FLRT2: variants seen among roughly 807,000 people sequenced by gnomAD.
FLRT2 encodes the protein leucine-rich repeat transmembrane protein FLRT2.
Under a neutral mutation model 40.0 loss-of-function variants are expected in FLRT2, and 15 were observed. The ratio of observed to expected loss-of-function variants is 0.38; its 90% CI spans 0.25 to 0.58. FLRT2 has a LOEUF of 0.58. FLRT2 is among the 20% of genes least tolerant of loss of function. The probability of loss-of-function intolerance (pLI) is 0.71; values close to 1 mark genes in which losing one functional copy is unlikely to be tolerated. For missense variants in FLRT2, 726 were observed against 840.0 expected (o/e 0.86, Z 1.68); for synonymous variants, 380 against 336.8 (o/e 1.13, Z -1.41).
intron 1 of FLRT2, among the ~76,000 whole-genome samples, chr14:85,614,217 CCT>C (rs1384681425): frequency 6.6e-6 from 1 of 152,146 alleles, no homozygotes; most frequent in African/African-American, 2.4e-5. Context: ...CTGTTCAGGT[CCT>C]CTGTCTCCAG....
intron 1 of FLRT2, among the ~76,000 whole-genome samples, chr14:85,551,060 T>A (rs1889592473): frequency 6.6e-6 from 1 of 152,194 alleles, no homozygotes; most frequent in Admixed American, 6.5e-5. Context: ...AAATTACTAT[T>A]CACATAATTC....
chr14:85,541,360 C>A (rs1022373492), intron 1 of FLRT2, among the ~76,000 whole-genome samples: 1 of 152,082 alleles, frequency 6.6e-6, no homozygotes, highest in Non-Finnish European at 1.5e-5. Flanking sequence ...CCACTTGAGG[C>A]CAGCTAGGCT....
Position 85,625,013 on chromosome 14 carries a change from A to G in FLRT2, c.*1516A>G, listed in dbSNP as rs1893612138. ...ACAACCCATGAAAAACAAGTCAGAG[A>G]GTGAAGGCTTTTTCCCCTAATCCTG... On this transcript the variant is annotated 3_prime_UTR_variant, in exon 2 of 2. Coordinates refer to ENST00000330753, the MANE Select transcript of FLRT2 (RefSeq NM_013231.6). 1 of 167,054 alleles carries G rather than the reference A, an allele frequency of 6.0e-6. No individual in the cohort carries two copies. The highest frequency in any genetic ancestry group is 6.5e-5 in the Admixed American group (1 of 15,282). The allele number at this position is 167,054 out of a possible 1,614,324, so 10.3% of individuals were successfully genotyped here.
intron 1 of FLRT2, chr14:85,559,546 T>G (rs1320420829): frequency 6.6e-6 from 1 of 152,234 alleles, no homozygotes; most frequent in Admixed American, 6.5e-5. Flanking sequence ...GAACCATACA[T>G]GCTTGTAGTA....
At chr14:85,558,166 A>G (rs555858210) in intron 1 of FLRT2, among the ~76,000 whole-genome samples, 12 of 152,260 alleles carry the variant, frequency 7.9e-5, no homozygotes, top group African/African-American at 2.6e-4. Flanking sequence ...ATATATGTGC[A>G]TGTGCATGTG....
chr14:85,651,329 C>A lies in FLRT2; in HGVS notation c.*27832C>A, dbSNP rs557142280. The A allele has an allele frequency of 2.0e-5, 3 of 151,428 alleles. No homozygotes were observed. Among genetic ancestry groups the A allele is most frequent in the African/African-American group, 7.3e-5 (3 of 41,310 alleles). The allele number at this position is 151,428 out of a possible 1,614,324, so 9.4% of individuals were successfully genotyped here. On this transcript the variant is annotated 3_prime_UTR_variant, in exon 2 of 2. Transcript: ENST00000330753. ...TGTTTTTATGTTTTAGCAATTTGGT[C>A]AGTTGCTTTAAATTAGAGATTTTGC...
At position 85,622,069 on chromosome 14, in the gene FLRT2, G is replaced by A; in HGVS notation, c.555G>A (p.Leu185=). The A allele has an allele frequency of 6.2e-7, 1 of 1,614,092 alleles. No homozygotes were observed. Among genetic ancestry groups the A allele is most frequent in the Non-Finnish European group, 8.5e-7 (1 of 1,180,008 alleles). ...PVGLPVDLQE[L]RVDENRIAVI... is the part of the protein sequence containing the mutation. ...GGCTTCCTGTGGACTTGCAAGAGCT[G>A]AGAGTGGATGAAAATCGAATTGCTG... is the stretch of plus-strand genomic sequence containing the variant. Residue 185 remains leucine, a synonymous_variant, in exon 2 of 2, where the codon CTG becomes CTA. Coordinates refer to ENST00000330753, the MANE Select transcript of FLRT2 (RefSeq NM_013231.6).
chr14:85,541,069 A>G (rs1888959842), intron 1 of FLRT2, among the ~76,000 whole-genome samples: 1 of 152,160 alleles, frequency 6.6e-6, no homozygotes, highest in African/African-American at 2.4e-5. Context: ...TATGTCCTTA[A>G]TATGATAAAA....
intron 1 of FLRT2, among the ~76,000 whole-genome samples, chr14:85,616,136 A>C (rs567126549): frequency 6.6e-6 from 1 of 151,896 alleles, no homozygotes; most frequent in African/African-American, 2.4e-5. Context: ...TGCTGCCCCC[A>C]AAGAGCATTT....
chr14:85,533,883 TCGCCGCCGC>T (rs999728315), intron 1 of FLRT2, among the ~76,000 whole-genome samples: 13 of 151,750 alleles, frequency 8.6e-5, no homozygotes, highest in Non-Finnish European at 1.8e-4. Flanking sequence ...GCCGCCGCCG[TCGCCGCCGC>T]CGCCACCCGG....
rs1021241224 is a variant in FLRT2, at chr14:85,625,226, A to G, written c.*1729A>G. On this transcript the variant is annotated 3_prime_UTR_variant, in exon 2 of 2. Transcript: ENST00000330753. ...TTCGAAAATCAAATTTAAACATTTC[A>G]CTCTGTGCTGCATATTTCTTTTACC... 16 of 166,956 alleles carry G rather than the reference A, an allele frequency of 9.6e-5. No individual in the cohort carries two copies. Among genetic ancestry groups the G allele is most frequent in the Non-Finnish European group, 1.8e-4 (12 of 68,102 alleles). 10.3% of individuals were successfully genotyped at this position (166,956 alleles called of 1,614,324 possible).
At chr14:85,598,916 GTTT>G (rs11449675) in intron 1 of FLRT2, among the ~76,000 whole-genome samples, 4 of 120,316 alleles carry the variant, frequency 3.3e-5, no homozygotes, top group Non-Finnish European at 4.9e-5. Flanking sequence ...AAATGGGATG[GTTT>G]TTTTTTTTTT....
chr14:85,542,690 T>G, intron 1 of FLRT2, among the ~76,000 whole-genome samples: 1 of 152,168 alleles, frequency 6.6e-6, no homozygotes, highest in East Asian at 1.9e-4. Flanking sequence ...AAAAAGTAGT[T>G]TTGTACTCAG....
intron 1 of FLRT2, among the ~76,000 whole-genome samples, chr14:85,579,607 CG>C (rs1891295707): frequency 2.6e-5 from 4 of 152,198 alleles, no homozygotes; most frequent in Admixed American, 2.6e-4. Context: ...CCCAATTTTC[CG>C]TATCTATAAA....
chr14:85,543,678 C>G (rs1889110562), intron 1 of FLRT2, among the ~76,000 whole-genome samples: 1 of 152,118 alleles, frequency 6.6e-6, no homozygotes, highest in Non-Finnish European at 1.5e-5. Context: ...GCACCCATCC[C>G]CTGTACCCTC....
chr14:85,551,009 T>G (rs1042880085), intron 1 of FLRT2, among the ~76,000 whole-genome samples: 1 of 152,206 alleles, frequency 6.6e-6, no homozygotes, highest in Non-Finnish European at 1.5e-5. Flanking sequence ...AAATCATGAA[T>G]GGAATTTCTA....
chr14:85,625,446 T>G lies in FLRT2; in HGVS notation c.*1949T>G, dbSNP rs2139377230. 6.0e-6 allele frequency: 1 copy of G among 167,092 alleles called. No individual in the cohort carries two copies. Among genetic ancestry groups the G allele is most frequent in the South Asian group, 2.1e-4 (1 of 4,826 alleles). The allele number at this position is 167,092 out of a possible 1,614,324, so 10.4% of individuals were successfully genotyped here. A position where few individuals can be genotyped will look rare whatever the true frequency, so the allele number is the denominator to read the frequency against. ...CCCAACTTATATGTTTTAATCTCCC[T>G]TGTCCCTCAGAATAAGCAGAAAATA... On this transcript the variant is annotated 3_prime_UTR_variant, in exon 2 of 2. Transcript: ENST00000330753.
intron 1 of FLRT2, among the ~76,000 whole-genome samples, chr14:85,619,830 T>C (rs946870963): frequency 6.6e-6 from 1 of 152,244 alleles, no homozygotes; most frequent in Non-Finnish European, 1.5e-5. Flanking sequence ...GAATACATTC[T>C]GGAGCAAGAA....
chr14:85,585,890 A>T (rs1441470641), intron 1 of FLRT2, among the ~76,000 whole-genome samples: 1 of 152,048 alleles, frequency 6.6e-6, no homozygotes, highest in Admixed American at 6.6e-5. Context: ...ATGATGCACC[A>T]GATGATAATG....
Sources: allele counts gnomAD v4.1 joint callset (sites outside exome capture counted in the v4.1 genomes callset), GRCh38; gene constraint gnomAD v4.1.1; transcripts MANE v1.5; gene names NCBI Gene and HGNC (gene_info 2026-07-23, HGNC 2026-07-21).